The following CNBD1 variants were observed in gnomAD, a reference collection of about 807,000 sequenced individuals.
CNBD1 encodes cyclic nucleotide-binding domain-containing protein 1.
In CNBD1, 71 loss-of-function variants were observed where a neutral mutation model predicts 54.4. The ratio of observed to expected loss-of-function variants is 1.30; its 90% CI spans 1.08 to 1.59. The LOEUF (loss-of-function observed/expected upper bound fraction) is 1.59. Ranked by LOEUF, CNBD1 falls within the 40% of genes most tolerant of loss-of-function variation. CNBD1 has a pLI of 0.00. For missense variants in CNBD1, 659 were observed against 518.0 expected, an observed-to-expected ratio of 1.27 and a Z score of -2.64; for synonymous variants, 182 against 170.7, an observed-to-expected ratio of 1.07 and a Z score of -0.51.
chr8:87,111,931 T>C (rs1811671843), intron 4 of CNBD1, among the ~76,000 whole-genome samples: 1 of 152,210 alleles, frequency 6.6e-6, no homozygotes, highest in Non-Finnish European at 1.5e-5. Flanking sequence ...AGCTCAGTTC[T>C]GCAACTTTAT....
At chr8:87,295,675 C>A (rs1021623668) in intron 8 of CNBD1, among the ~76,000 whole-genome samples, 1 of 152,008 alleles carries the variant, frequency 6.6e-6, no homozygotes, top group Non-Finnish European at 1.5e-5. Flanking sequence ...TTTATTTTGT[C>A]ACAACATAAA....
In CNBD1 at chr8:87,279,638, G is replaced by C. The variant is rs1463948066; in HGVS notation, c.772-5040G>C. On this transcript the variant is annotated intron_variant, in intron 6 of 10. Coordinates refer to ENST00000518476, the MANE Select transcript of CNBD1 (RefSeq NM_173538.3). ...TAAAAATAAAGATATTTCATAATGA[G>C]TATGAAATGTATATGCAGTAAAAAT... Among the ~76,000 whole-genome samples, 4 of 151,156 alleles carry C rather than the reference G, an allele frequency of 2.6e-5. No homozygotes were observed. In the Admixed American group the frequency reaches 2.7e-4, roughly 10 times the overall value.
At chr8:87,254,130 T>C (rs1458031579) in intron 6 of CNBD1, among the ~76,000 whole-genome samples, 1 of 152,154 alleles carries the variant, frequency 6.6e-6, no homozygotes, top group African/African-American at 2.4e-5. Context: ...TTCCAAATAG[T>C]AGTGACACCA....
At chr8:87,426,850 T>G (rs1035710492) in intron 2 of CNBD1, among the ~76,000 whole-genome samples, 3 of 152,206 alleles carry the variant, frequency 2.0e-5, no homozygotes, top group Non-Finnish European at 4.4e-5. Flanking sequence ...AGTTCCTTAA[T>G]TGATTTAATT....
chr8:86,977,727 T>C (rs922795738), intron 4 of CNBD1, among the ~76,000 whole-genome samples: 3 of 152,018 alleles, frequency 2.0e-5, no homozygotes, highest in Admixed American at 2.0e-4. Flanking sequence ...AATGAGTAAG[T>C]AGATTGAAAC....
chr8:87,331,486 A>C (rs191869277), intron 8 of CNBD1, among the ~76,000 whole-genome samples: 1 of 152,258 alleles, frequency 6.6e-6, no homozygotes, highest in East Asian at 1.9e-4. Context: ...GGTTGGTTCC[A>C]TGTGTTTGCT....
At chr8:87,026,156 T>C (rs1031419678) in intron 4 of CNBD1, among the ~76,000 whole-genome samples, 3 of 152,214 alleles carry the variant, frequency 2.0e-5, no homozygotes, top group African/African-American at 4.8e-5. Context: ...TTCTTTTCAA[T>C]AGCATACAAA....
chr8:86,933,957 T>C (rs1026457567), intron 3 of CNBD1, among the ~76,000 whole-genome samples: 12 of 152,148 alleles, frequency 7.9e-5, no homozygotes, highest in African/African-American at 2.7e-4. Flanking sequence ...CCAAAATGCA[T>C]GAACAGATTC....
chr8:87,394,282 T>C (rs1811370369), intron 2 of CNBD1, among the ~76,000 whole-genome samples: 1 of 151,910 alleles, frequency 6.6e-6, no homozygotes, highest in South Asian at 2.1e-4. Context: ...TGGCTTCAGT[T>C]CTTATCATAA....
At chr8:87,419,564 T>A (rs1277414007) in intron 2 of CNBD1, among the ~76,000 whole-genome samples, 2 of 151,908 alleles carry the variant, frequency 1.3e-5, no homozygotes, top group African/African-American at 4.8e-5. Flanking sequence ...AAAGATATAG[T>A]CATTCAGAAT....
At chr8:87,078,772 T>A (rs1810926267) in intron 4 of CNBD1, among the ~76,000 whole-genome samples, 1 of 152,190 alleles carries the variant, frequency 6.6e-6, no homozygotes, top group African/African-American at 2.4e-5. Flanking sequence ...CAGGCATGAT[T>A]TAGAGTTGAT....
chr8:87,371,610 C>A (rs1433735033), intron 10 of CNBD1, among the ~76,000 whole-genome samples: 3 of 151,952 alleles, frequency 2.0e-5, no homozygotes, highest in African/African-American at 7.2e-5. Context: ...CAAACTGAAT[C>A]CAGCAGCACA....
rs1382423836 is a variant in CNBD1 at position 87,357,125 on chromosome 8, G to T, written c.1303+3339G>T. Reference sequence around the variant, plus strand: ...ATATTCTACCTAGATTTCAGAGAATGTATCAGAAAGCCTTCCAGAGAGAAG... The same window carrying T: ...ATATTCTACCTAGATTTCAGAGAATTTATCAGAAAGCCTTCCAGAGAGAAG... On this transcript the variant is annotated intron_variant, in intron 10 of 10. Transcript: ENST00000518476. Among the ~76,000 whole-genome samples, 6 of 152,328 alleles carry T rather than the reference G, an allele frequency of 3.9e-5. No homozygotes were observed. The South Asian group carries it at 6.2e-4, about 16-fold the overall frequency.
intron 4 of CNBD1, among the ~76,000 whole-genome samples, chr8:87,134,594 C>CTTTTTTTTTTT (rs1167232265): frequency 3.4e-5 from 3 of 86,964 alleles, no homozygotes; most frequent in African/African-American, 8.5e-5. Context: ...ATTAGATTAC[C>CTTTTTTTTTTT]TTTTTTTTTT....
At chr8:87,402,356 C>A (rs1157720271) in intron 2 of CNBD1, among the ~76,000 whole-genome samples, 3 of 151,954 alleles carry the variant, frequency 2.0e-5, no homozygotes, top group Admixed American at 6.6e-5. Flanking sequence ...AGGAAGCATT[C>A]TTTTTCACTC....
chr8:87,423,112 G>T (rs1807974795), intron 2 of CNBD1, among the ~76,000 whole-genome samples: 1 of 152,066 alleles, frequency 6.6e-6, no homozygotes, highest in Admixed American at 6.5e-5. Context: ...TGTGATTTTT[G>T]CACATTGATT....
At chr8:86,971,594 A>G (rs956505119) in intron 4 of CNBD1, among the ~76,000 whole-genome samples, 2 of 152,238 alleles carry the variant, frequency 1.3e-5, no homozygotes, top group Admixed American at 6.5e-5. Context: ...TTCCTCACTC[A>G]AGAACATGGT....
intron 2 of CNBD1, among the ~76,000 whole-genome samples, chr8:87,421,503 C>T (rs1299438355): frequency 6.8e-6 from 1 of 147,896 alleles, no homozygotes; most frequent in African/African-American, 2.5e-5. Context: ...TCAATTCCCA[C>T]CTATGAGTGA....
At chr8:87,389,646 G>A (rs1811267419) in intron 2 of CNBD1, among the ~76,000 whole-genome samples, 1 of 152,126 alleles carries the variant, frequency 6.6e-6, no homozygotes, top group South Asian at 2.1e-4. Context: ...TGGGTAGGAA[G>A]AATCAATATC....
Sources: gnomAD v4.1 joint callset for allele counts (sites outside exome capture counted in the v4.1 genomes callset) on GRCh38, gnomAD v4.1.1 for gene constraint, MANE v1.5 for transcripts, NCBI Gene and HGNC (gene_info 2026-07-23, HGNC 2026-07-21) for gene names.